Variants in AKAP13 observed in about 807,000 individuals in gnomAD.
AKAP13 encodes the protein A-kinase anchoring protein 13, also known as A-kinase anchor protein 13.
A neutral mutation model predicts 264.5 loss-of-function variants in AKAP13; 80 were observed. The observed-to-expected ratio is 0.30, with a 90% CI of 0.25 to 0.36. The LOEUF is 0.36. AKAP13 is among the 10% of genes least tolerant of loss of function. The pLI is 1.00. For missense variants in AKAP13, 3,712 were observed against 3,435.2 expected (o/e 1.08, Z -2.01); for synonymous variants, 1,380 against 1,250.2 (o/e 1.10, Z -2.19).
At chr15:85,498,212 A>ATATATATATATATATATAT (rs1217645309) in intron 2 of AKAP13, among the ~76,000 whole-genome samples, 1 of 141,236 alleles carries the variant, frequency 7.1e-6, no homozygotes, top group Non-Finnish European at 1.5e-5. Flanking sequence ...ATATATATAT[A>ATATATATATATATATATAT]TATATATATA....
Position 85,533,803 on chromosome 15 carries a change from A to G in AKAP13, c.401A>G (p.Lys134Arg), listed in dbSNP as rs770074276. Reference protein sequence around the residue: ...PPSGDVNSLDKKLVLAFRHLK... With the variant: ...PPSGDVNSLDRKLVLAFRHLK... ...TCTGGGGATGTGAATTCCCTTGATA[A>G]GAAGTTGGTGCTGGCATTCAGGCAC... The change falls in exon 4 of 37, where the codon AAG becomes AGG. Residue 134 changes from lysine to arginine, a missense_variant. Lys to Arg is a conservative substitution (Grantham distance 26). This residue lies in a region of AKAP13 where 2,759 missense variants were observed against 2,411.7 expected (regional missense o/e 1.14). Coordinates refer to ENST00000394518, the MANE Select transcript of AKAP13 (RefSeq NM_007200.5). The G allele has an allele frequency of 6.2e-7, 1 of 1,613,896 alleles. No individual in the cohort carries two copies. The highest frequency in any genetic ancestry group is 1.7e-5 in the Admixed American group (1 of 59,982).
At chr15:85,604,494 C>A (rs549455865) in intron 8 of AKAP13, among the ~76,000 whole-genome samples, 1 of 150,868 alleles carries the variant, frequency 6.6e-6, no homozygotes, top group Non-Finnish European at 1.5e-5. Context: ...GTTGGAGCCT[C>A]GCTCTGTTGC....
chr15:85,588,926 A>G (rs2079471515), intron 8 of AKAP13, among the ~76,000 whole-genome samples: 1 of 152,226 alleles, frequency 6.6e-6, no homozygotes, highest in Admixed American at 6.5e-5. Flanking sequence ...TAGCTGCGAG[A>G]TATCAATGCC....
At chr15:85,721,908 A>T in intron 23 of AKAP13, 83 bp from the exon 24 acceptor site, 1 of 1,569,700 alleles carries the variant, frequency 6.4e-7, no homozygotes, top group Non-Finnish European at 8.6e-7. Context: ...CTTGACTTTT[A>T]CAACTAGACT....
intron 5 of AKAP13, among the ~76,000 whole-genome samples, chr15:85,565,912 AGC>A (rs777140604): frequency 1.3e-5 from 2 of 152,232 alleles, no homozygotes; most frequent in Non-Finnish European, 2.9e-5. Flanking sequence ...AATTGTACCA[AGC>A]CATGGTCTCT....
At position 85,602,732 on chromosome 15, in the gene AKAP13, C is replaced by T. The variant is rs1443488085; in HGVS notation, c.4161+16909C>T. ...CTTGAACTCCTGACCTAGTGATCCG[C>T]CCGCCTCAGCTTCCCAAAGTGCTGG... is the stretch of plus-strand genomic sequence containing the variant. On this transcript the variant is annotated intron_variant, in intron 8 of 36. Coordinates refer to ENST00000394518, the MANE Select transcript of AKAP13 (RefSeq NM_007200.5). Among the ~76,000 whole-genome samples, 10 of 152,246 alleles carry T rather than the reference C, an allele frequency of 6.6e-5. No homozygotes were observed. The South Asian group carries it at 2.1e-3, about 32-fold the overall frequency.
chr15:85,522,749 A>G (rs1422303255), intron 3 of AKAP13, among the ~76,000 whole-genome samples: 1 of 151,820 alleles, frequency 6.6e-6, no homozygotes, highest in Admixed American at 6.6e-5. Flanking sequence ...CCTTTCCTCT[A>G]ATTTGGTCCG....
chr15:85,526,935 T>A (rs2077069394), intron 3 of AKAP13, among the ~76,000 whole-genome samples: 1 of 150,562 alleles, frequency 6.6e-6, no homozygotes. Flanking sequence ...AAATCTGTTG[T>A]CTACTGTCCT....
Position 85,407,541 on chromosome 15 carries a change from G to C in AKAP13, c.-12+26743G>C, listed in dbSNP as rs189210284. On this transcript the variant is annotated intron_variant, in intron 1 of 36. Coordinates refer to ENST00000394518, the MANE Select transcript of AKAP13 (RefSeq NM_007200.5). ...AGGCATGAGCCATCGTGCCCGGCCT[G>C]TGCTGGGTCTTAAAGCATGAGTAGG... Among the ~76,000 whole-genome samples the C allele has an allele frequency of 8.9e-4, 135 of 151,782 alleles. 1 individual carries two copies. The highest frequency in any genetic ancestry group is 1.5e-3 in the Non-Finnish European group (102 of 68,010).
chr15:85,700,551 G>A (rs1263984479), intron 17 of AKAP13, among the ~76,000 whole-genome samples: 1 of 152,204 alleles, frequency 6.6e-6, no homozygotes, highest in Non-Finnish European at 1.5e-5. Flanking sequence ...AAAGGTTTGA[G>A]GGTCTGAGAT....
intron 8 of AKAP13, among the ~76,000 whole-genome samples, chr15:85,609,102 C>T (rs939774350): frequency 2.0e-5 from 3 of 152,062 alleles, no homozygotes; most frequent in Non-Finnish European, 4.4e-5. Flanking sequence ...TCACCTCAAA[C>T]GTTAATTATT....
At chr15:85,676,061 A>G (rs577909779) in intron 14 of AKAP13, among the ~76,000 whole-genome samples, 1 of 152,124 alleles carries the variant, frequency 6.6e-6, no homozygotes, top group Non-Finnish European at 1.5e-5. Flanking sequence ...ACAGGTGCCC[A>G]CCACTATGCC....
intron 5 of AKAP13, among the ~76,000 whole-genome samples, chr15:85,561,524 A>T (rs2078377313): frequency 6.6e-6 from 1 of 152,234 alleles, no homozygotes; most frequent in African/African-American, 2.4e-5. Flanking sequence ...CCAACTAAAT[A>T]CTTTGATCAC....
At chr15:85,586,224 C>T (rs2079339014) in intron 8 of AKAP13, among the ~76,000 whole-genome samples, 1 of 146,464 alleles carries the variant, frequency 6.8e-6, no homozygotes, top group Non-Finnish European at 1.5e-5. Context: ...GAGTTTTGCT[C>T]TTGTCACCCA....
Position 85,581,348 on chromosome 15 carries a change from G to T in AKAP13, c.3280G>T (p.Val1094Phe), listed in dbSNP as rs781634099. ...AGATGTGACGGTGGATGTTACAGGGGTTAATGCTCTACAAGGTATGGCTGA... is the reference window on the plus strand; with the variant it reads ...AGATGTGACGGTGGATGTTACAGGGTTTAATGCTCTACAAGGTATGGCTGA... ...SGDVTVDVTG[V>F]NALQGMAEPR... is the part of the protein sequence containing the mutation. The change falls in exon 7 of 37, where the codon GTT becomes TTT. Residue 1094 changes from valine (V) to phenylalanine (F), a missense_variant. Val to Phe is a conservative substitution (Grantham distance 50). Transcript: ENST00000394518. 1.2e-6 allele frequency: 2 copies of T among 1,614,194 alleles called. No individual in the cohort carries two copies.
intron 11 of AKAP13, among the ~76,000 whole-genome samples, chr15:85,657,010 G>T (rs575038023): frequency 3.3e-5 from 5 of 152,234 alleles, no homozygotes; most frequent in African/African-American, 9.6e-5. Flanking sequence ...GCCGCGCATG[G>T]TAGTACATGC....
In AKAP13 at chr15:85,743,402, C is replaced by T. The variant is rs1228471007; in HGVS notation, c.8059-90C>T. The stretch of plus-strand genomic sequence containing the variant: ...GAGGTGGGTAAGTACCCAGCCAGCA[C>T]ACCCAGTTGAATTCAGCCAGGATTT... On this transcript the variant is annotated intron_variant, in intron 35 of 36. Coordinates refer to ENST00000394518, the MANE Select transcript of AKAP13 (RefSeq NM_007200.5). The T allele has an allele frequency of 4.9e-5, 68 of 1,397,270 alleles. 1 individual carries two copies. The South Asian group carries it at 7.3e-4, about 15-fold the overall frequency. The allele number at this position is 1,397,270 out of a possible 1,614,324, so 86.6% of individuals were successfully genotyped here.
At chr15:85,692,994 C>T (rs1307210922) in intron 16 of AKAP13, 1 of 331,992 alleles carries the variant, frequency 3.0e-6, no homozygotes, top group Non-Finnish European at 5.4e-6. Flanking sequence ...CCTTGCAGTG[C>T]TGGTCCTTGG....
chr15:85,486,858 C>T (rs796319086), intron 2 of AKAP13, among the ~76,000 whole-genome samples: 8 of 151,384 alleles, frequency 5.3e-5, no homozygotes, highest in African/African-American at 1.9e-4. Flanking sequence ...CCTGCCTCAG[C>T]CTCCCAAGTA....
Sources: gnomAD v4.1 joint callset for allele counts (sites outside exome capture counted in the v4.1 genomes callset) on GRCh38, gnomAD v4.1.1 for gene constraint, gnomAD v4.1.1 regional missense constraint, MANE v1.5 for transcripts, NCBI Gene and HGNC (gene_info 2026-07-23, HGNC 2026-07-21) for gene names.